GNG2: variants seen among roughly 807,000 people sequenced by gnomAD.
GNG2 encodes G protein subunit gamma 2, also known as guanine nucleotide-binding protein G(I)/G(S)/G(O) subunit gamma-2.
A neutral mutation model predicts 5.5 loss-of-function variants in GNG2; 5 were observed. The observed-to-expected ratio is 0.91, with a 90% CI of 0.48 to 1.92. GNG2 has a LOEUF of 1.92. Among genes scored for constraint, GNG2 ranks in the 30% most tolerant of loss-of-function variants. The pLI, the probability that GNG2 is intolerant of heterozygous loss-of-function variation, is 0.01. For synonymous variants in GNG2, 28 were observed against 32.0 expected (o/e 0.88, Z 0.42); for missense variants, 55 against 88.4 (o/e 0.62, Z 1.52).
intron 1 of GNG2, among the ~76,000 whole-genome samples, chr14:51,862,468 AATCAAGCTGTGC>A (rs1340539755): frequency 6.6e-6 from 1 of 152,242 alleles, no homozygotes; most frequent in African/African-American, 2.4e-5. Context: ...GGAGTTCTAG[AATCAAGCTGTGC>A]ATCATGAAAT....
chr14:51,902,969 G>A (rs1466717423), intron 2 of GNG2, among the ~76,000 whole-genome samples: 3 of 152,178 alleles, frequency 2.0e-5, no homozygotes, highest in Admixed American at 6.5e-5. Flanking sequence ...AAACAGGAAA[G>A]CTAGTCATCA....
intron 1 of GNG2, among the ~76,000 whole-genome samples, chr14:51,870,023 G>A (rs181448543): frequency 1.9e-3 from 288 of 152,322 alleles, no homozygotes; most frequent in Non-Finnish European, 2.7e-3. Flanking sequence ...GCAAGGAAGA[G>A]GGGGTTAGTG....
chr14:51,861,116 G>A (rs1187649800), intron 1 of GNG2, among the ~76,000 whole-genome samples: 1 of 152,166 alleles, frequency 6.6e-6, no homozygotes, highest in Non-Finnish European at 1.5e-5. Context: ...GGTCATCGGA[G>A]CCCGGCAGTC....
At chr14:51,945,656 T>C (rs925435549) in intron 2 of GNG2, among the ~76,000 whole-genome samples, 13 of 152,212 alleles carry the variant, frequency 8.5e-5, no homozygotes, top group African/African-American at 2.9e-4. Flanking sequence ...CTGAACTATA[T>C]GCTTAAAAAT....
At chr14:51,917,136 A>G (rs1190033241) in intron 2 of GNG2, among the ~76,000 whole-genome samples, 1 of 152,234 alleles carries the variant, frequency 6.6e-6, no homozygotes. Context: ...AACTTTTGGT[A>G]GCCCTTAGGC....
At chr14:51,858,229 C>A (rs906983021), upstream of GNG2, among the ~76,000 whole-genome samples, 4 of 152,046 alleles carry the variant, frequency 2.6e-5, no homozygotes, top group African/African-American at 9.7e-5. Flanking sequence ...CCAAGCTATA[C>A]CCCCACACTT....
intron 2 of GNG2, among the ~76,000 whole-genome samples, chr14:51,896,961 G>T (rs1885232973): frequency 6.6e-6 from 1 of 152,124 alleles, no homozygotes; most frequent in African/African-American, 2.4e-5. Context: ...ATTATATAAT[G>T]ATGACAGCCA....
chr14:51,947,081 C>T (rs1046672643), intron 2 of GNG2, among the ~76,000 whole-genome samples: 2 of 152,176 alleles, frequency 1.3e-5, no homozygotes, highest in African/African-American at 4.8e-5. Context: ...TCTCTTAAGT[C>T]CATTGAGGTT....
rs1282431071 is a variant in GNG2, at chr14:51,968,824, AG to A, written c.*2139del. On this transcript the variant is annotated 3_prime_UTR_variant, in exon 4 of 4. Transcript: ENST00000556766. ...TGGTGGTGACTGAGGCATCATTAGAAGGCCCAGACGATTTCCACTATTCACA... is the reference window on the plus strand; with the variant it reads ...TGGTGGTGACTGAGGCATCATTAGAAGCCCAGACGATTTCCACTATTCACA... The A allele has an allele frequency of 6.6e-6, 1 of 152,226 alleles. No individual in the cohort carries two copies. Among genetic ancestry groups the A allele is most frequent in the African/African-American group, 2.4e-5 (1 of 41,466 alleles). The allele number at this position is 152,226 out of a possible 1,614,324, so 9.4% of individuals were successfully genotyped here.
chr14:51,841,607 A>G (rs1230220613), intron 2 of GNG2: 3 of 694,980 alleles, frequency 4.3e-6, no homozygotes, highest in Non-Finnish European at 2.6e-6. Flanking sequence ...TAATATTTCA[A>G]CAGAACCATT....
chr14:51,889,089 C>G (rs1884655890), intron 2 of GNG2, among the ~76,000 whole-genome samples: 1 of 147,848 alleles, frequency 6.8e-6, no homozygotes, highest in African/African-American at 2.5e-5. Context: ...GAAGTGACTG[C>G]TAATGGGTAT....
chr14:51,920,954 G>T (rs992584085), intron 2 of GNG2, among the ~76,000 whole-genome samples: 2 of 152,274 alleles, frequency 1.3e-5, no homozygotes, highest in Admixed American at 6.5e-5. Flanking sequence ...AGTGATTTTG[G>T]TTCTGCTGCA....
chr14:51,857,700 T>C (rs1402283919), upstream of GNG2, among the ~76,000 whole-genome samples: 1 of 152,110 alleles, frequency 6.6e-6, no homozygotes, highest in Non-Finnish European at 1.5e-5. Flanking sequence ...GGAGATAGTT[T>C]GGTGGTGAGA....
chr14:51,880,967 GAAA>G (rs11463019), intron 2 of GNG2, among the ~76,000 whole-genome samples: 15 of 101,992 alleles, frequency 1.5e-4, no homozygotes, highest in East Asian at 6.2e-4. Flanking sequence ...CAAAAAAAAA[GAAA>G]AAAAAAAAAA....
chr14:51,852,996 A>G (rs1002488677), intron 2 of GNG2, among the ~76,000 whole-genome samples: 3 of 152,092 alleles, frequency 2.0e-5, no homozygotes, highest in Non-Finnish European at 2.9e-5. Context: ...TTCCAAAATC[A>G]CTATCACATT....
At chr14:51,862,573 C>T (rs1240608349) in intron 1 of GNG2, among the ~76,000 whole-genome samples, 5 of 152,246 alleles carry the variant, frequency 3.3e-5, no homozygotes, top group African/African-American at 1.2e-4. Flanking sequence ...GCTGTATTCA[C>T]TAGATAATGC....
intron 2 of GNG2, among the ~76,000 whole-genome samples, chr14:51,837,098 A>T (rs1260980018): frequency 6.6e-6 from 1 of 151,914 alleles, no homozygotes; most frequent in Non-Finnish European, 1.5e-5. Context: ...ACCTCAGGTG[A>T]TCCACCCGCC....
intron 2 of GNG2, among the ~76,000 whole-genome samples, chr14:51,923,513 GTA>G (rs146924924): frequency 0.079 from 11,811 of 149,942 alleles, 818 homozygotes; most frequent in East Asian, 0.32. Context: ...GTGTGTATGT[GTA>G]TATATATGTG....
At chr14:51,863,752 TC>T (rs1480212619) in intron 1 of GNG2, among the ~76,000 whole-genome samples, 1 of 152,200 alleles carries the variant, frequency 6.6e-6, no homozygotes, top group Non-Finnish European at 1.5e-5. Context: ...TGACCAAGTA[TC>T]CCATATATGT....
Sources: allele counts gnomAD v4.1 joint callset (sites outside exome capture counted in the v4.1 genomes callset), GRCh38; gene constraint gnomAD v4.1.1; transcripts MANE v1.5; gene names NCBI Gene and HGNC (gene_info 2026-07-23, HGNC 2026-07-21).